The following CTNNA2 variants were observed in gnomAD, a reference collection of about 807,000 sequenced individuals.
CTNNA2 encodes the protein catenin alpha 2, also known as catenin alpha-2.
A neutral mutation model predicts 101.0 loss-of-function variants in CTNNA2; 42 were observed. The observed-to-expected ratio is 0.42, with a 90% CI of 0.32 to 0.54. The LOEUF (loss-of-function observed/expected upper bound fraction) is 0.54, where lower values mean the gene tolerates loss of function less well. CTNNA2 is among the 20% of genes least tolerant of loss of function. The pLI is 0.14. For synonymous variants in CTNNA2, 450 were observed against 456.4 expected (o/e 0.99, Z 0.18); for missense variants, 871 against 1,223.1 (o/e 0.71, Z 4.29).
intron 2 of CTNNA2, among the ~76,000 whole-genome samples, chr2:79,279,326 G>C (rs1675299563): frequency 6.6e-6 from 1 of 152,054 alleles, no homozygotes; most frequent in Admixed American, 6.6e-5. Flanking sequence ...GTTGCCCAGT[G>C]GGATTGGAAG....
At chr2:79,738,247 G>A (rs17017744) in intron 2 of CTNNA2, among the ~76,000 whole-genome samples, 4,836 of 152,222 alleles carry the variant, frequency 0.032, 235 homozygotes, top group African/African-American at 0.1. Flanking sequence ...ATTAGATTAA[G>A]GTCGAAGGAC....
At chr2:79,583,766 T>C (rs974143371) in intron 1 of CTNNA2, among the ~76,000 whole-genome samples, 3 of 152,152 alleles carry the variant, frequency 2.0e-5, no homozygotes, top group Non-Finnish European at 4.4e-5. Flanking sequence ...AATTTGCATT[T>C]CCTAATTACT....
At chr2:79,911,805 AT>A (rs917866052) in intron 7 of CTNNA2, among the ~76,000 whole-genome samples, 15 of 152,212 alleles carry the variant, frequency 9.9e-5, no homozygotes, top group African/African-American at 3.6e-4. Flanking sequence ...ACTGTATAAC[AT>A]TTAGTTGGAC....
intron 7 of CTNNA2, among the ~76,000 whole-genome samples, chr2:80,219,024 G>T (rs986183242): frequency 1.3e-5 from 2 of 151,998 alleles, no homozygotes; most frequent in African/African-American, 4.8e-5. Flanking sequence ...CTGTACTTAG[G>T]TTACTTGGAT....
intron 7 of CTNNA2, among the ~76,000 whole-genome samples, chr2:80,120,950 G>T (rs191171612): frequency 6.6e-6 from 1 of 152,064 alleles, no homozygotes; most frequent in African/African-American, 2.4e-5. Context: ...GGTGTAAATC[G>T]AATGCTTTCT....
intron 1 of CTNNA2, among the ~76,000 whole-genome samples, chr2:79,526,323 T>C (rs529028894): frequency 6.6e-6 from 1 of 152,116 alleles, no homozygotes; most frequent in Non-Finnish European, 1.5e-5. Flanking sequence ...CTACAAAATA[T>C]CATGAAAAGA....
At chr2:80,510,483 C>A (rs1688622720) in intron 9 of CTNNA2, among the ~76,000 whole-genome samples, 1 of 152,200 alleles carries the variant, frequency 6.6e-6, no homozygotes, top group African/African-American at 2.4e-5. Context: ...CTGATGAAGT[C>A]TTCCCATTCA....
At chr2:80,622,205 G>C (rs957970267) in intron 18 of CTNNA2, among the ~76,000 whole-genome samples, 8 of 151,846 alleles carry the variant, frequency 5.3e-5, no homozygotes, top group Non-Finnish European at 1.2e-4. Flanking sequence ...TGAGTGAATT[G>C]AGTAATTATA....
intron 7 of CTNNA2, among the ~76,000 whole-genome samples, chr2:79,934,014 TG>T (rs1197070341): frequency 6.6e-6 from 1 of 152,236 alleles, no homozygotes; most frequent in Non-Finnish European, 1.5e-5. Flanking sequence ...AAGAGGTCTA[TG>T]TTTTAGGTTC....
chr2:79,764,252 A>G (rs1233673003), intron 3 of CTNNA2, among the ~76,000 whole-genome samples: 2 of 152,230 alleles, frequency 1.3e-5, no homozygotes, highest in African/African-American at 2.4e-5. Flanking sequence ...ACATTTTCAT[A>G]TTAAAGAATG....
At chr2:79,585,104 A>G (rs1042522043) in intron 1 of CTNNA2, among the ~76,000 whole-genome samples, 10 of 152,098 alleles carry the variant, frequency 6.6e-5, no homozygotes, top group African/African-American at 1.9e-4. Flanking sequence ...TTCCTGCTAT[A>G]AGTGAGGTCT....
At chr2:79,829,865 G>T (rs897652269) in intron 3 of CTNNA2, among the ~76,000 whole-genome samples, 2 of 151,796 alleles carry the variant, frequency 1.3e-5, no homozygotes, top group East Asian at 2.0e-4. Context: ...GACTACAGGC[G>T]CCTGCCACCA....
chr2:79,728,581 T>G (rs1211821445), intron 2 of CTNNA2, among the ~76,000 whole-genome samples: 4 of 152,212 alleles, frequency 2.6e-5, no homozygotes, highest in African/African-American at 9.6e-5. Flanking sequence ...TTAGTTTAAT[T>G]AGATCCCATT....
At chr2:80,388,800 T>C (rs958062896) in intron 7 of CTNNA2, among the ~76,000 whole-genome samples, 17 of 152,218 alleles carry the variant, frequency 1.1e-4, no homozygotes, top group African/African-American at 3.9e-4. Context: ...TATGCTTAAT[T>C]TGTAGAGCCT....
chr2:79,309,953 C>T (rs572452915), intron 2 of CTNNA2, among the ~76,000 whole-genome samples: 1 of 152,090 alleles, frequency 6.6e-6, no homozygotes, highest in South Asian at 2.1e-4. Flanking sequence ...TAGTCAATTG[C>T]TTTATACTTT....
chr2:80,588,214 A>G (rs1696137691), intron 14 of CTNNA2, among the ~76,000 whole-genome samples: 1 of 152,138 alleles, frequency 6.6e-6, no homozygotes, highest in African/African-American at 2.4e-5. Flanking sequence ...TTTTCTCCAT[A>G]AGGCACATGC....
chr2:79,913,585 A>T (rs1459121281), intron 7 of CTNNA2, among the ~76,000 whole-genome samples: 1 of 152,188 alleles, frequency 6.6e-6, no homozygotes, highest in Admixed American at 6.5e-5. Context: ...AAGCAGGAGG[A>T]CAGGTGAGGA....
At chr2:79,457,201 C>CA (rs369641720) in intron 4 of CTNNA2, among the ~76,000 whole-genome samples, 6,416 of 82,132 alleles carry the variant, frequency 0.078, 204 homozygotes, top group East Asian at 0.19. Context: ...GACTCCATCT[C>CA]AAAAAAAAAA....
intron 7 of CTNNA2, among the ~76,000 whole-genome samples, chr2:80,341,479 A>T (rs776756564): frequency 1.3e-5 from 2 of 152,232 alleles, no homozygotes; most frequent in Non-Finnish European, 2.9e-5. Context: ...CCAGAAAGAC[A>T]TGCAAATGGC....
Sources: gnomAD v4.1 joint callset for allele counts (sites outside exome capture counted in the v4.1 genomes callset) on GRCh38, gnomAD v4.1.1 for gene constraint, MANE v1.5 for transcripts, NCBI Gene and HGNC (gene_info 2026-07-23, HGNC 2026-07-21) for gene names.